Variants in DLG2 observed in about 807,000 individuals in gnomAD.
DLG2 encodes the protein discs large MAGUK scaffold protein 2.
DLG2 carries 45 observed loss-of-function variants against 132.5 expected under a neutral mutation model. That is an observed-to-expected ratio of 0.34 (90% CI 0.27 to 0.44). DLG2 has a LOEUF of 0.44. Among genes scored for constraint, DLG2 ranks in the 20% least tolerant of loss-of-function variants. The probability of loss-of-function intolerance (pLI) is 1.00; values close to 1 mark genes in which losing one functional copy is unlikely to be tolerated. For missense variants in DLG2, 1,045 were observed against 1,196.9 expected, an observed-to-expected ratio of 0.87 and a Z score of 1.87; for synonymous variants, 424 against 419.6, an observed-to-expected ratio of 1.01 and a Z score of -0.13.
At chr11:84,451,480 T>TA (rs1191283730) in intron 7 of DLG2, among the ~76,000 whole-genome samples, 1 of 151,824 alleles carries the variant, frequency 6.6e-6, no homozygotes, top group Non-Finnish European at 1.5e-5. Context: ...CACATTCATG[T>TA]AAAAAATGAA....
intron 5 of DLG2, among the ~76,000 whole-genome samples, chr11:85,150,106 G>A (rs960832274): frequency 1.7e-4 from 23 of 136,656 alleles, no homozygotes; most frequent in African/African-American, 5.3e-4. Context: ...TGCAGGTTCC[G>A]CCTCCCGAGT....
intron 15 of DLG2, among the ~76,000 whole-genome samples, chr11:83,920,207 G>A (rs1367705684): frequency 1.3e-5 from 2 of 152,080 alleles, no homozygotes; most frequent in Admixed American, 6.6e-5. Flanking sequence ...CTCTGGCATA[G>A]AGTGATCTTA....
At chr11:84,154,688 C>T (rs1052169330) in intron 9 of DLG2, among the ~76,000 whole-genome samples, 2 of 152,138 alleles carry the variant, frequency 1.3e-5, no homozygotes, top group Admixed American at 1.3e-4. Context: ...GTGATGTTCC[C>T]CTTCCTGTGT....
chr11:84,197,122 A>C (rs1467598216), intron 8 of DLG2, among the ~76,000 whole-genome samples: 3 of 151,884 alleles, frequency 2.0e-5, no homozygotes, highest in African/African-American at 7.2e-5. Flanking sequence ...ATCTTTTTTA[A>C]ATAGAAGGCT....
intron 6 of DLG2, among the ~76,000 whole-genome samples, chr11:85,078,400 A>G (rs2066824944): frequency 6.6e-6 from 1 of 151,726 alleles, no homozygotes; most frequent in Non-Finnish European, 1.5e-5. Flanking sequence ...AGAAAAAGCA[A>G]GTGTAAAGGC....
chr11:85,575,689 G>C (rs192537883), intron 3 of DLG2, among the ~76,000 whole-genome samples: 86 of 152,158 alleles, frequency 5.7e-4, no homozygotes, highest in Admixed American at 1.2e-3. Context: ...CACTGTCTCA[G>C]CTCCCTCAAG....
chr11:84,049,573 C>T (rs1175385640), intron 11 of DLG2, among the ~76,000 whole-genome samples: 1 of 151,776 alleles, frequency 6.6e-6, no homozygotes, highest in Admixed American at 6.6e-5. Flanking sequence ...CCATTTACTA[C>T]CCAGAACTGG....
At chr11:83,856,942 G>C (rs1041106744) in intron 16 of DLG2, among the ~76,000 whole-genome samples, 1 of 152,056 alleles carries the variant, frequency 6.6e-6, no homozygotes, top group African/African-American at 2.4e-5. Flanking sequence ...GTCTTCCAGG[G>C]ATTTTATAGT....
chr11:85,063,402 T>G (rs2064398488), intron 6 of DLG2, among the ~76,000 whole-genome samples: 1 of 151,896 alleles, frequency 6.6e-6, no homozygotes, highest in Non-Finnish European at 1.5e-5. Context: ...AAGATGTACT[T>G]TTTTCTATTT....
At chr11:84,054,143 T>C (rs1230637163) in intron 11 of DLG2, among the ~76,000 whole-genome samples, 1 of 152,108 alleles carries the variant, frequency 6.6e-6, no homozygotes, top group Non-Finnish European at 1.5e-5. Context: ...AAACCACTTA[T>C]ATGATTCCTA....
chr11:85,467,838 G>A (rs572972358), intron 3 of DLG2, among the ~76,000 whole-genome samples: 64 of 152,288 alleles, frequency 4.2e-4, no homozygotes, highest in African/African-American at 1.5e-3. Context: ...ATGAGTTAGG[G>A]AGGATTCCCT....
At chr11:85,096,322 T>C (rs2152244004) in intron 6 of DLG2, among the ~76,000 whole-genome samples, 1 of 152,306 alleles carries the variant, frequency 6.6e-6, no homozygotes, top group East Asian at 1.9e-4. Context: ...ACACTACCTT[T>C]ATGAGCTGTA....
chr11:85,227,032 G>T (rs912878792), intron 4 of DLG2, among the ~76,000 whole-genome samples: 9 of 152,128 alleles, frequency 5.9e-5, no homozygotes, highest in Non-Finnish European at 1.5e-5. Context: ...ATGGTATCAA[G>T]GTGGAGGGTC....
intron 18 of DLG2, among the ~76,000 whole-genome samples, chr11:83,633,893 T>G (rs79213135): frequency 6.6e-6 from 1 of 151,498 alleles, no homozygotes; most frequent in Non-Finnish European, 1.5e-5. Context: ...CTGAGTAAAA[T>G]AGTTATTTCT....
rs191813709 is a variant in DLG2, at chr11:83,830,652, T to C, written c.1722+2962A>G. On this transcript the variant is annotated intron_variant, in intron 17 of 27. Transcript: ENST00000376104. ...CGGTGTGCACCAAGAAGATGTGCCA[T>C]AGAGACTGTTGACAATATTTTGAAA... Among the ~76,000 whole-genome samples, 581 of 152,340 alleles carry C rather than the reference T, an allele frequency of 3.8e-3. 7 individuals are homozygous for C. Among genetic ancestry groups the C allele is most frequent in the African/African-American group, 0.014 (563 of 41,586 alleles).
chr11:84,514,401 T>G (rs891513558), intron 7 of DLG2, among the ~76,000 whole-genome samples: 1 of 152,076 alleles, frequency 6.6e-6, no homozygotes, highest in African/African-American at 2.4e-5. Context: ...CCCATATTGT[T>G]GCAGCACTGT....
intron 7 of DLG2, among the ~76,000 whole-genome samples, chr11:84,402,599 G>C (rs971306975): frequency 6.6e-6 from 1 of 151,744 alleles, no homozygotes; most frequent in Non-Finnish European, 1.5e-5. Flanking sequence ...AATTAACTCG[G>C]CCAGGTGCGG....
chr11:83,901,195 G>A (rs2073326123), intron 15 of DLG2, among the ~76,000 whole-genome samples: 1 of 152,172 alleles, frequency 6.6e-6, no homozygotes, highest in Non-Finnish European at 1.5e-5. Context: ...CAGGCTCATA[G>A]GCGGAAGGGA....
chr11:84,918,730 T>G (rs978338243), intron 6 of DLG2, among the ~76,000 whole-genome samples: 1 of 152,168 alleles, frequency 6.6e-6, no homozygotes, highest in Admixed American at 6.5e-5. Context: ...GATTGGCAAA[T>G]CCAGTACTAT....
Sources: gnomAD v4.1 joint callset for allele counts (sites outside exome capture counted in the v4.1 genomes callset) on GRCh38, gnomAD v4.1.1 for gene constraint, MANE v1.5 for transcripts, NCBI Gene and HGNC (gene_info 2026-07-23, HGNC 2026-07-21) for gene names.